CHCHD7: variants seen among roughly 807,000 people sequenced by gnomAD.
CHCHD7 encodes the protein coiled-coil-helix-coiled-coil-helix domain-containing protein 7.
CHCHD7 carries 7 observed loss-of-function variants against 10.5 expected under a neutral mutation model. The ratio of observed to expected loss-of-function variants is 0.67; its 90% confidence interval spans 0.38 to 1.25. The LOEUF (loss-of-function observed/expected upper bound fraction) is 1.25. Among genes scored for constraint, CHCHD7 ranks in the 50% most tolerant of loss-of-function variants. The pLI, the probability that CHCHD7 is intolerant of heterozygous loss-of-function variation, is 0.02. For synonymous variants in CHCHD7, 40 were observed against 36.0 expected (o/e 1.11, Z -0.40); for missense variants, 100 against 104.5 (o/e 0.96, Z 0.19).
chr8:56,216,629 G>A, intron 3 of CHCHD7, 98 bp downstream of exon 3: 1 of 1,251,280 alleles, frequency 8.0e-7, no homozygotes, highest in Non-Finnish European at 1.2e-6. Context: ...TCCCACTGAT[G>A]GCTGTAGGGA....
At chr8:56,213,060 CATAGG>C (rs1813113088) in intron 1 of CHCHD7, 2 of 488,474 alleles carry the variant, frequency 4.1e-6, no homozygotes, top group South Asian at 8.1e-5. Flanking sequence ...GTTCTCACAT[CATAGG>C]ATAGGTGTAA....
intron 1 of CHCHD7, chr8:56,212,993 C>A (rs1813108326): frequency 9.9e-6 from 8 of 806,256 alleles, no homozygotes; most frequent in Non-Finnish European, 1.7e-5. Context: ...AAATTTAATG[C>A]AAGGTTGTCT....
intron 3 of CHCHD7, among the ~76,000 whole-genome samples, chr8:56,217,088 T>C (rs1813393088): frequency 1.3e-5 from 2 of 152,258 alleles, no homozygotes; most frequent in South Asian, 4.1e-4. Context: ...GTACTTTGTA[T>C]ATTCTCATCC....
intron 1 of CHCHD7, chr8:56,212,593 T>C: frequency 2.5e-6 from 1 of 394,594 alleles, no homozygotes; most frequent in Non-Finnish European, 4.5e-6. Context: ...CCCTCCTTCA[T>C]ATCTTTGCTT....
At chr8:56,214,317 C>T (rs1053580160) in intron 1 of CHCHD7, 3 of 223,112 alleles carry the variant, frequency 1.3e-5, no homozygotes, top group African/African-American at 2.3e-5. Context: ...GCAGCCCTCT[C>T]GCTCCAGCCT....
intron 3 of CHCHD7, 152 bp from the exon 4 acceptor site, chr8:56,217,179 T>C: frequency 3.6e-6 from 2 of 554,036 alleles, no homozygotes; most frequent in African/African-American, 3.8e-5. Context: ...TCTGGAGTCC[T>C]ATAATTAGGT....
At chr8:56,214,889 A>G in intron 2 of CHCHD7, 1 of 418,286 alleles carries the variant, frequency 2.4e-6, no homozygotes, top group Non-Finnish European at 4.4e-6. Context: ...ATAATATGCA[A>G]GCATTTGGTT....
chr8:56,213,392 C>CT (rs34969364), intron 1 of CHCHD7: 3,056 of 143,310 alleles, frequency 0.021, 98 homozygotes, highest in African/African-American at 0.068. Context: ...CTGGGTGTCT[C>CT]TTTTTTTTTT....
At position 56,217,357 on chromosome 8, in the gene CHCHD7, G is replaced by T. The variant is rs1336500039; in HGVS notation, c.180G>T (p.Lys60Asn). 6.2e-7 allele frequency: 1 copy of T among 1,612,062 alleles called. No homozygotes were observed. Among genetic ancestry groups the T allele is most frequent in the East Asian group, 2.2e-5 (1 of 44,858 alleles). ...FWNSIVMQRR[K>N]NGVKPFMPTA... is the part of the protein sequence containing the mutation. Reference sequence around the variant, plus strand: ...ATTCTATCGTGATGCAGAGAAGAAAGAACGGAGTGAAGCCATTTATGCCTA... The same window carrying T: ...ATTCTATCGTGATGCAGAGAAGAAATAACGGAGTGAAGCCATTTATGCCTA... Residue 60 changes from lysine (K) to asparagine (N), a missense_variant, in exon 4 of 4, where the codon AAG becomes AAT. Transcript: ENST00000355315.
At position 56,218,338 on chromosome 8, in the gene CHCHD7, CTG is replaced by C. The variant is rs1813481499; in HGVS notation, c.*906_*907del. On this transcript the variant is annotated 3_prime_UTR_variant, in exon 4 of 4. Coordinates refer to ENST00000355315, the MANE Select transcript of CHCHD7 (RefSeq NM_001011671.3). ...TATTCAATGTGGTGACTGGGGTAGA[CTG>C]TGAAGCAGCCCTCCTTATGCCCACT... 3 of 228,712 alleles carry C rather than the reference CTG, an allele frequency of 1.3e-5. No homozygotes were observed. Among genetic ancestry groups the C allele is most frequent in the Non-Finnish European group, 8.7e-6 (1 of 115,334 alleles). The allele number at this position is 228,712 out of a possible 1,614,324, so 14.2% of individuals were successfully genotyped here.
At position 56,217,802 on chromosome 8, in the gene CHCHD7, G is replaced by C. The variant is rs561436958; in HGVS notation, c.*367G>C. 1.6e-5 allele frequency: 4 copies of C among 244,128 alleles called. No homozygotes were observed. Among genetic ancestry groups the C allele is most frequent in the Non-Finnish European group, 3.2e-5 (4 of 125,056 alleles). 15.1% of individuals were successfully genotyped at this position (244,128 alleles called of 1,614,324 possible). On this transcript the variant is annotated 3_prime_UTR_variant, in exon 4 of 4. Transcript: ENST00000355315. The stretch of plus-strand genomic sequence containing the variant: ...AGGAAAGGAAATGTTATGAGCAAGA[G>C]TGTGAGGCAAGAGAAGCTGGAACCA...
Position 56,217,312 on chromosome 8 carries a change from T to C in CHCHD7, c.154-19T>C. 6.7e-7 allele frequency: 1 copy of C among 1,493,220 alleles called. No homozygotes were observed. Among genetic ancestry groups the C allele is most frequent in the South Asian group, 1.2e-5 (1 of 85,186 alleles). 92.5% of individuals were successfully genotyped at this position (1,493,220 alleles called of 1,614,324 possible). ...ACTGATTTTGGTTTCTTCTTTTTTATTTTAATGCCTGTACACAGAATTCTA... is the reference window on the plus strand; with the variant it reads ...ACTGATTTTGGTTTCTTCTTTTTTACTTTAATGCCTGTACACAGAATTCTA... On this transcript the variant is annotated intron_variant, in intron 3 of 3. Transcript: ENST00000355315.
chr8:56,212,950 G>T, intron 1 of CHCHD7: 2 of 1,259,728 alleles, frequency 1.6e-6, no homozygotes, highest in South Asian at 1.2e-5. Flanking sequence ...ATAAAATATA[G>T]AGTAGGATAC....
chr8:56,216,290 T>C, intron 2 of CHCHD7, 143 bp from the exon 3 acceptor site: 1 of 1,313,212 alleles, frequency 7.6e-7, no homozygotes. Context: ...GATTGTCCAG[T>C]TTTTATTAGT....
rs770276849 is a variant in CHCHD7, at chr8:56,218,401, T to G, written c.*966T>G. On this transcript the variant is annotated 3_prime_UTR_variant, in exon 4 of 4. Coordinates refer to ENST00000355315, the MANE Select transcript of CHCHD7 (RefSeq NM_001011671.3). ...ATCGTTTGTTTTATTCATGGTAGTT[T>G]TATGAAGACATACTATTATTGAATG... 4.5e-6 allele frequency: 1 copy of G among 222,990 alleles called. No homozygotes were observed. The highest frequency in any genetic ancestry group is 8.9e-6 in the Non-Finnish European group (1 of 111,826). 13.8% of individuals were successfully genotyped at this position (222,990 alleles called of 1,614,324 possible).
At position 56,218,009 on chromosome 8, in the gene CHCHD7, A is replaced by C; in HGVS notation, c.*574A>C. On this transcript the variant is annotated 3_prime_UTR_variant, in exon 4 of 4. Coordinates refer to ENST00000355315, the MANE Select transcript of CHCHD7 (RefSeq NM_001011671.3). The stretch of plus-strand genomic sequence containing the variant: ...ATCTTTGTTTAAATAAGGTTAGTAC[A>C]TTCACTAGGGGCAAATGGGTTTTTC... 4.4e-6 allele frequency: 1 copy of C among 229,738 alleles called. No homozygotes were observed. The highest frequency in any genetic ancestry group is 6.2e-5 in the East Asian group (1 of 16,068). 14.2% of individuals were successfully genotyped at this position (229,738 alleles called of 1,614,324 possible).
Position 56,217,794 on chromosome 8 carries a change from G to A in CHCHD7, c.*359G>A, listed in dbSNP as rs1813446250. 1.2e-5 allele frequency: 3 copies of A among 246,446 alleles called. No individual in the cohort carries two copies. The East Asian group carries it at 1.8e-4, about 15-fold the overall frequency. 15.3% of individuals were successfully genotyped at this position (246,446 alleles called of 1,614,324 possible). On this transcript the variant is annotated 3_prime_UTR_variant, in exon 4 of 4. Transcript: ENST00000355315. ...TGTTTCCAAGGAAAGGAAATGTTAT[G>A]AGCAAGAGTGTGAGGCAAGAGAAGC...
chr8:56,213,050 G>T (rs1585850383), intron 1 of CHCHD7: 2 of 542,960 alleles, frequency 3.7e-6, no homozygotes, highest in African/African-American at 1.9e-5. Context: ...AGAGTTCTGT[G>T]TTCTCACATC....
intron 2 of CHCHD7, among the ~76,000 whole-genome samples, chr8:56,216,211 G>C (rs1813334534): frequency 6.6e-6 from 1 of 152,226 alleles, no homozygotes; most frequent in Non-Finnish European, 1.5e-5. Flanking sequence ...CACATATTCA[G>C]AAAACTGGCC....
Sources: allele counts gnomAD v4.1 joint callset (sites outside exome capture counted in the v4.1 genomes callset), GRCh38; gene constraint gnomAD v4.1.1; transcripts MANE v1.5; gene names NCBI Gene and HGNC (gene_info 2026-07-23, HGNC 2026-07-21).